RP1L1: variants seen among roughly 807,000 people sequenced by gnomAD.
RP1L1 encodes retinitis pigmentosa 1-like 1 protein.
In RP1L1, 27 loss-of-function variants were observed where a neutral mutation model predicts 15.7. The observed-to-expected ratio is 1.72, with a 90% CI of 1.27 to 2.38. The LOEUF (loss-of-function observed/expected upper bound fraction) is 2.38. RP1L1 is among the 30% of genes most tolerant of loss of function. The pLI, the probability that RP1L1 is intolerant of heterozygous loss-of-function variation, is 0.00. For missense variants in RP1L1, 4,798 were observed against 3,075.9 expected (o/e 1.56, Z -13.24); for synonymous variants, 1,813 against 1,276.7 (o/e 1.42, Z -8.96).
In RP1L1 at chr8:10,612,050, G is replaced by T. The variant is rs200854414; in HGVS notation, c.2048C>A (p.Thr683Asn). 1 of 1,613,914 alleles carries T rather than the reference G, an allele frequency of 6.2e-7. No individual in the cohort carries two copies. ...CTCAGGAGGCCTCGGCACTTGCTTG[G>T]TTACAGAGGAGTCCAGTGGGCTGTG... ...DTHSPLDSSV[T>N]KQVPRPPERR... is the part of the protein sequence containing the mutation. The change falls in exon 4 of 4, where the codon ACC becomes AAC. Residue 683 changes from threonine to asparagine, a missense_variant. Thr to Asn is a moderately conservative substitution (Grantham distance 65). Transcript: ENST00000382483.
rs1197070047 is a variant in RP1L1 at position 10,611,379 on chromosome 8, C to T, written c.2719G>A (p.Ala907Thr). 1.2e-6 allele frequency: 2 copies of T among 1,608,672 alleles called. No homozygotes were observed. Among genetic ancestry groups the T allele is most frequent in the Admixed American group, 3.4e-5 (2 of 59,616 alleles). ...PTPSPGPNSG[A>T]SRRSSASQGA... ...TGGCTGGCACTGCTTCTCCTTGATG[C>T]CCCTGAATTGGGGCCTGGGGACGGC... The change falls in exon 4 of 4, where the codon GCA becomes ACA. Residue 907 changes from alanine (A) to threonine (T), a missense_variant. Ala to Thr is a moderately conservative substitution (Grantham distance 58). Coordinates refer to ENST00000382483, the MANE Select transcript of RP1L1 (RefSeq NM_178857.6).
chr8:10,637,879 T>TG (rs1305555592), intron 1 of RP1L1, among the ~76,000 whole-genome samples: 1 of 151,760 alleles, frequency 6.6e-6, no homozygotes, highest in Admixed American at 6.6e-5. Flanking sequence ...ACTCCAGGGG[T>TG]GGGGGGATTT....
intron 1 of RP1L1, among the ~76,000 whole-genome samples, chr8:10,647,472 C>T (rs1230323973): frequency 6.6e-6 from 1 of 152,172 alleles, no homozygotes; most frequent in Non-Finnish European, 1.5e-5. Flanking sequence ...AAGCCCTGGA[C>T]CCTTTGCACA....
At position 10,607,998 on chromosome 8, in the gene RP1L1, C is replaced by A; in HGVS notation, c.6100G>T (p.Ala2034Ser). 1 of 1,611,288 alleles carries A rather than the reference C, an allele frequency of 6.2e-7. No homozygotes were observed. Among genetic ancestry groups the A allele is most frequent in the Non-Finnish European group, 8.5e-7 (1 of 1,179,294 alleles). ...TGGGTCTCCCCTTCAACCTCCTGGG[C>A]CTCTTCACCTTCTGACTTTGGCTGG... ...EAQPKSEGEE[A>S]QEVEGETQKT... The change falls in exon 4 of 4, where the codon GCC becomes TCC. Residue 2034 changes from alanine (A) to serine (S), a missense_variant. Coordinates refer to ENST00000382483, the MANE Select transcript of RP1L1 (RefSeq NM_178857.6).
At position 10,623,096 on chromosome 8, in the gene RP1L1, T is replaced by C. The variant is rs1188557988; in HGVS notation, c.106A>G (p.Ile36Val). Residue 36 changes from isoleucine (I) to valine (V), a missense_variant, in exon 2 of 4, where the codon ATC becomes GTC. By Grantham distance (29) the Ile-to-Val change is conservative. Coordinates refer to ENST00000382483, the MANE Select transcript of RP1L1 (RefSeq NM_178857.6). Reference protein sequence around the residue: ...SVTKVTPAKKITFLKRGDPRF... With the variant: ...SVTKVTPAKKVTFLKRGDPRF... ...GGATCCCCTCGCTTGAGGAAGGTGA[T>C]CTTCTTGGCTGGCGTGACCTTGGTG... 1.9e-6 allele frequency: 3 copies of C among 1,613,590 alleles called. No individual in the cohort carries two copies. The highest frequency in any genetic ancestry group is 2.2e-5 in the East Asian group (1 of 44,872).
intron 1 of RP1L1, among the ~76,000 whole-genome samples, chr8:10,646,863 T>C (rs1290515953): frequency 1.3e-5 from 2 of 152,254 alleles, no homozygotes; most frequent in Non-Finnish European, 2.9e-5. Flanking sequence ...AAGATGGGTA[T>C]TAAAGGCCTA....
Position 10,641,478 on chromosome 8 carries a change from A to T in RP1L1, c.-20+13420T>A, listed in dbSNP as rs374251786. ...TATCCACACAAATGCACACACAAAC[A>T]TGAGAACAAAAACGAAATACACATT... On this transcript the variant is annotated intron_variant, in intron 1 of 3. Transcript: ENST00000382483. Among the ~76,000 whole-genome samples, 4 of 152,262 alleles carry T rather than the reference A, an allele frequency of 2.6e-5. No homozygotes were observed. The East Asian group carries it at 5.8e-4, about 22-fold the overall frequency.
At position 10,612,792 on chromosome 8, in the gene RP1L1, C is replaced by T. The variant is rs1243567094; in HGVS notation, c.1306G>A (p.Gly436Ser). The change falls in exon 4 of 4, where the codon GGC becomes AGC. Residue 436 changes from glycine (G) to serine (S), a missense_variant. Gly to Ser is a moderately conservative substitution (Grantham distance 56, BLOSUM62 0). Transcript: ENST00000382483. ...CCGGCAGTCCCGTGGCCCCACAGGC[C>T]ACTGCAGCGGACGTGCTGGGCCAGT... ...WGLAQHVRCSGLWGHGTAGRE... is the reference protein window; with the variant it reads ...WGLAQHVRCSSLWGHGTAGRE... The T allele has an allele frequency of 7.4e-6, 12 of 1,610,912 alleles. No individual in the cohort carries two copies. Among genetic ancestry groups the T allele is most frequent in the Non-Finnish European group, 9.3e-6 (11 of 1,179,942 alleles).
chr8:10,607,726 CT>C lies in RP1L1; in HGVS notation c.6371del (p.Glu2124GlyfsTer9). 6.2e-7 allele frequency: 1 copy of C among 1,609,516 alleles called. No homozygotes were observed. The highest frequency in any genetic ancestry group is 8.5e-7 in the Non-Finnish European group (1 of 1,178,292). ...CTATACCTTCTGACTCTGGCTGGGC[CT>C]CCCCTTCAGTCTCTGGGGCCTCTAT... is the stretch of plus-strand genomic sequence containing the variant. The part of the protein sequence containing the change: ...EGIEAPETEG[E>X]AQPESEGIEA... On this transcript the variant is annotated frameshift_variant, in exon 4 of 4. Coordinates refer to ENST00000382483, the MANE Select transcript of RP1L1 (RefSeq NM_178857.6). LOFTEE classifies it low-confidence loss of function (END_TRUNC).
chr8:10,616,812 C>T (rs1181657864), intron 2 of RP1L1, among the ~76,000 whole-genome samples: 1 of 152,208 alleles, frequency 6.6e-6, no homozygotes, highest in African/African-American at 2.4e-5. Flanking sequence ...AGCTATACCC[C>T]TCCCTCCACC....
At chr8:10,616,835 C>T (rs544896042) in intron 2 of RP1L1, among the ~76,000 whole-genome samples, 4 of 152,282 alleles carry the variant, frequency 2.6e-5, no homozygotes, top group South Asian at 4.2e-4. Flanking sequence ...GCGTGAGGCC[C>T]GTGATCAAAG....
chr8:10,645,187 C>T (rs1031001473), intron 1 of RP1L1, among the ~76,000 whole-genome samples: 2 of 152,000 alleles, frequency 1.3e-5, no homozygotes, highest in African/African-American at 2.4e-5. Flanking sequence ...ATTAGCTGGG[C>T]GTGGTGGTGC....
At chr8:10,631,417 A>G (rs577915250) in intron 1 of RP1L1, among the ~76,000 whole-genome samples, 1,894 of 149,420 alleles carry the variant, frequency 0.013, 26 homozygotes, top group Non-Finnish European at 0.019. Context: ...GCACACACGC[A>G]CACACACATG....
At chr8:10,620,999 A>G (rs1563129919) in intron 2 of RP1L1, 1 of 152,244 alleles carries the variant, frequency 6.6e-6, no homozygotes, top group Non-Finnish European at 1.5e-5. Flanking sequence ...AGAAGCTTTA[A>G]ACACCAACGA....
At chr8:10,631,934 G>A (rs554293899) in intron 1 of RP1L1, among the ~76,000 whole-genome samples, 26 of 152,368 alleles carry the variant, frequency 1.7e-4, no homozygotes, top group Admixed American at 5.2e-4. Flanking sequence ...ATCACTCCCA[G>A]ACCTGCTTTC....
At chr8:10,649,534 T>C (rs1390525869) in intron 1 of RP1L1, among the ~76,000 whole-genome samples, 1 of 152,184 alleles carries the variant, frequency 6.6e-6, no homozygotes, top group Non-Finnish European at 1.5e-5. Context: ...TTGCTGTCCC[T>C]GGCTCCCAGA....
Position 10,608,828 on chromosome 8 carries a change from T to A in RP1L1, c.5270A>T (p.Asp1757Val). The part of the protein sequence containing the change: ...EGSQRLNRDK[D>V]PKLGEAEGDA... The stretch of plus-strand genomic sequence containing the variant: ...TCCCTCTGCCTCCCCGAGTTTGGGA[T>A]CTTTGTCTCTGTTGAGTCTCTGGCT... Residue 1757 changes from aspartate to valine, a missense_variant, in exon 4 of 4, where the codon GAT becomes GTT. Asp to Val is a radical substitution (Grantham distance 152). Transcript: ENST00000382483. The A allele has an allele frequency of 8.7e-6, 14 of 1,614,112 alleles. No homozygotes were observed. The highest frequency in any genetic ancestry group is 1.1e-5 in the Non-Finnish European group (13 of 1,180,038).
At chr8:10,618,238 G>C (rs1261283397) in intron 2 of RP1L1, among the ~76,000 whole-genome samples, 1 of 152,176 alleles carries the variant, frequency 6.6e-6, no homozygotes, top group Admixed American at 6.5e-5. Flanking sequence ...AGTGGTTCAT[G>C]CCTGTAATCT....
In RP1L1 at chr8:10,608,451, C is replaced by A; in HGVS notation, c.5647G>T (p.Ala1883Ser). 1 of 1,604,284 alleles carries A rather than the reference C, an allele frequency of 6.2e-7. No homozygotes were observed. ...TCTACATCTTCTGACTCTGGCTGGG[C>A]CTCTCCTTCTGCCTCTGGGGCCTCT... ...DVEAPEAEGE[A>S]QPESEDVETP... is the part of the protein sequence containing the mutation. Residue 1883 changes from alanine (A) to serine (S), a missense_variant, in exon 4 of 4, where the codon GCC becomes TCC. Coordinates refer to ENST00000382483, the MANE Select transcript of RP1L1 (RefSeq NM_178857.6).
Sources: gnomAD v4.1 joint callset for allele counts (sites outside exome capture counted in the v4.1 genomes callset) on GRCh38, gnomAD v4.1.1 for gene constraint, MANE v1.5 for transcripts, NCBI Gene and HGNC (gene_info 2026-07-23, HGNC 2026-07-21) for gene names.